The following CNTNAP4 variants were observed in gnomAD, a reference collection of about 807,000 sequenced individuals.
CNTNAP4 encodes the protein contactin associated protein family member 4, also known as contactin-associated protein-like 4.
A neutral mutation model predicts 148.4 loss-of-function variants in CNTNAP4; 98 were observed. That is an observed-to-expected ratio of 0.66 (90% CI 0.56 to 0.78). CNTNAP4 has a LOEUF of 0.78. Among genes scored for constraint, CNTNAP4 ranks in the 30% least tolerant of loss-of-function variants. The pLI is 0.00. For missense variants in CNTNAP4, 1,935 were observed against 1,565.6 expected, an observed-to-expected ratio of 1.24 and a Z score of -3.98; for synonymous variants, 730 against 565.1, an observed-to-expected ratio of 1.29 and a Z score of -4.14.
intron 3 of CNTNAP4, among the ~76,000 whole-genome samples, chr16:76,399,065 C>G (rs1023965638): frequency 1.3e-5 from 2 of 152,152 alleles, no homozygotes; most frequent in Admixed American, 6.5e-5. Flanking sequence ...GCTCTCTTGC[C>G]TGCCACCATG....
rs565996389 is a variant in CNTNAP4 at position 76,329,565 on chromosome 16, C to T, written c.196+13042C>T. Reference sequence around the variant, plus strand: ...TGTGATTTTTATAAAGTCTTTCTTTCGATTCTCAAATAAGACATTTTATCA... The same window carrying T: ...TGTGATTTTTATAAAGTCTTTCTTTTGATTCTCAAATAAGACATTTTATCA... On this transcript the variant is annotated intron_variant, in intron 2 of 23. Coordinates refer to ENST00000611870, the MANE Select transcript of CNTNAP4 (RefSeq NM_033401.5). Among the ~76,000 whole-genome samples the T allele has an allele frequency of 9.2e-5, 14 of 152,176 alleles. No individual in the cohort carries two copies. The East Asian group carries it at 1.2e-3, about 13-fold the overall frequency.
At chr16:76,536,344 C>T (rs890141485) in intron 18 of CNTNAP4, among the ~76,000 whole-genome samples, 3 of 151,958 alleles carry the variant, frequency 2.0e-5, no homozygotes, top group African/African-American at 7.2e-5. Flanking sequence ...TACAGGAGCC[C>T]ACCACTATGC....
At chr16:76,430,316 C>G (rs998798563) in intron 4 of CNTNAP4, among the ~76,000 whole-genome samples, 1 of 152,152 alleles carries the variant, frequency 6.6e-6, no homozygotes, top group African/African-American at 2.4e-5. Flanking sequence ...GCAGAATTAT[C>G]TACTGAATAA....
At position 76,513,485 on chromosome 16, in the gene CNTNAP4, A is replaced by C. The variant is rs765492677; in HGVS notation, c.2366-7655A>C. Among the ~76,000 whole-genome samples the C allele has an allele frequency of 6.2e-4, 94 of 152,164 alleles. 1 individual carries two copies. The highest frequency in any genetic ancestry group is 9.6e-4 in the Non-Finnish European group (65 of 68,024). On this transcript the variant is annotated intron_variant, in intron 15 of 23. Coordinates refer to ENST00000611870, the MANE Select transcript of CNTNAP4 (RefSeq NM_033401.5). The stretch of plus-strand genomic sequence containing the variant: ...CGATGTTTATACACAGTCCCACATA[A>C]GGATTTGTAACTAAGTTCTGTATGC...
chr16:76,558,440 G>C (rs2085285191), intron 23 of CNTNAP4, 50 bp from the exon 24 acceptor site: 1 of 1,103,968 alleles, frequency 9.1e-7, no homozygotes, highest in Non-Finnish European at 1.3e-6. Context: ...AGTCAGCACA[G>C]TTTCTATTTG....
intron 4 of CNTNAP4, among the ~76,000 whole-genome samples, chr16:76,439,497 T>C (rs764088581): frequency 2.0e-5 from 3 of 152,160 alleles, no homozygotes; most frequent in Admixed American, 2.0e-4. Flanking sequence ...TTCTGTGACA[T>C]TGCAAAAGTT....
intron 3 of CNTNAP4, among the ~76,000 whole-genome samples, chr16:76,378,034 A>G (rs1446180205): frequency 2.0e-5 from 3 of 152,202 alleles, no homozygotes; most frequent in African/African-American, 7.2e-5. Flanking sequence ...TGGAGTCTGG[A>G]TTAGAAACCC....
chr16:76,490,662 C>A (rs1004621614), intron 13 of CNTNAP4, among the ~76,000 whole-genome samples: 5 of 152,102 alleles, frequency 3.3e-5, no homozygotes, highest in African/African-American at 1.2e-4. Flanking sequence ...AGAAATGCTG[C>A]CCCCACTTTT....
intron 2 of CNTNAP4, among the ~76,000 whole-genome samples, chr16:76,346,758 G>A (rs1298046878): frequency 1.3e-5 from 2 of 152,144 alleles, no homozygotes; most frequent in African/African-American, 4.8e-5. Context: ...CTTTATTCTA[G>A]TCTTCCAGGG....
At chr16:76,555,924 C>T (rs1390360460) in intron 23 of CNTNAP4, among the ~76,000 whole-genome samples, 1 of 152,144 alleles carries the variant, frequency 6.6e-6, no homozygotes, top group Non-Finnish European at 1.5e-5. Flanking sequence ...CTCTGAAGGC[C>T]TTGTCTGGGC....
chr16:76,308,736 C>T (rs1960768751), intron 1 of CNTNAP4, among the ~76,000 whole-genome samples: 1 of 152,206 alleles, frequency 6.6e-6, no homozygotes, highest in Non-Finnish European at 1.5e-5. Flanking sequence ...GGTGATGCTA[C>T]CAGGCAGTTA....
chr16:76,329,896 G>A (rs976951669), intron 2 of CNTNAP4, among the ~76,000 whole-genome samples: 5 of 152,248 alleles, frequency 3.3e-5, no homozygotes, highest in South Asian at 2.1e-4. Context: ...GAAAGAGAAC[G>A]TTTATGTGGG....
At chr16:76,522,791 C>G (rs532158131) in intron 17 of CNTNAP4, among the ~76,000 whole-genome samples, 5 of 137,452 alleles carry the variant, frequency 3.6e-5, no homozygotes, top group Non-Finnish European at 6.3e-5. Flanking sequence ...TTGACAGAGT[C>G]TCGCTCTGTC....
Position 76,277,757 on chromosome 16 carries a change from C to T in CNTNAP4, c.85+10C>T. 3.9e-6 allele frequency: 6 copies of T among 1,541,290 alleles called. No homozygotes were observed. The highest frequency in any genetic ancestry group is 2.3e-5 in the East Asian group (1 of 43,782). On this transcript the variant is annotated intron_variant, in intron 1 of 23. Transcript: ENST00000611870. ...GAAGCTGGGAATTCCTGTAAGTATA[C>T]AGCAAATGATTTAAAACTTGCTGGG... is the stretch of plus-strand genomic sequence containing the variant.
chr16:76,340,301 C>G (rs902217237), intron 2 of CNTNAP4, among the ~76,000 whole-genome samples: 3 of 152,186 alleles, frequency 2.0e-5, no homozygotes, highest in Admixed American at 6.5e-5. Flanking sequence ...CCAAATCCCA[C>G]AGGCCTTGCT....
At chr16:76,517,399 C>A (rs955387000) in intron 15 of CNTNAP4, among the ~76,000 whole-genome samples, 7 of 152,116 alleles carry the variant, frequency 4.6e-5, no homozygotes, top group Non-Finnish European at 7.4e-5. Flanking sequence ...ATTTCTTACA[C>A]CTGCGTAAGA....
chr16:76,483,231 AACACACACACACACACACAC>A (rs59206208), intron 12 of CNTNAP4, among the ~76,000 whole-genome samples: 13 of 140,110 alleles, frequency 9.3e-5, no homozygotes, highest in South Asian at 2.4e-4. Context: ...AGTTTTAAGA[AACACACACACACACACACAC>A]ACACACACAC....
intron 3 of CNTNAP4, among the ~76,000 whole-genome samples, chr16:76,394,080 T>C (rs1007833619): frequency 6.6e-6 from 1 of 152,172 alleles, no homozygotes; most frequent in Non-Finnish European, 1.5e-5. Context: ...TGCCTACTTA[T>C]TATGGCAAGC....
chr16:76,501,089 C>A (rs1201314686), intron 15 of CNTNAP4, among the ~76,000 whole-genome samples: 1 of 152,194 alleles, frequency 6.6e-6, no homozygotes, highest in Non-Finnish European at 1.5e-5. Flanking sequence ...ATTATATATA[C>A]ATTGTAAATA....
Sources: gnomAD v4.1 joint callset for allele counts (sites outside exome capture counted in the v4.1 genomes callset) on GRCh38, gnomAD v4.1.1 for gene constraint, MANE v1.5 for transcripts, NCBI Gene and HGNC (gene_info 2026-07-23, HGNC 2026-07-21) for gene names.